The following TPH2 variants were observed in gnomAD, a reference collection of about 807,000 sequenced individuals.
TPH2 encodes tryptophan 5-hydroxylase 2.
In TPH2, 27 loss-of-function variants were observed where a neutral mutation model predicts 59.1. The observed-to-expected ratio is 0.46, with a 90% confidence interval of 0.34 to 0.63. The LOEUF (loss-of-function observed/expected upper bound fraction) is 0.63, where lower values mean the gene tolerates loss of function less well. Among genes scored for constraint, TPH2 ranks in the 30% least tolerant of loss-of-function variants. The pLI, the probability that TPH2 is intolerant of heterozygous loss-of-function variation, is 0.01. For missense variants in TPH2, 523 were observed against 588.3 expected (o/e 0.89, Z 1.15); for synonymous variants, 220 against 210.5 (o/e 1.05, Z -0.39).
intron 8 of TPH2, among the ~76,000 whole-genome samples, chr12:72,001,999 T>A (rs1481961956): frequency 6.6e-6 from 1 of 152,146 alleles, no homozygotes; most frequent in East Asian, 1.9e-4. Context: ...CACAGAAGGG[T>A]GACTATAGTC....
rs141482027 is a variant in TPH2 at position 72,031,638 on chromosome 12, C to T, written c.1416C>T (p.Ser472=). Residue 472 remains serine, a synonymous_variant, in exon 11 of 11, where the codon AGC becomes AGT. Transcript: ENST00000333850. The part of the protein sequence containing the change: ...SIENVVQDLR[S]DLNTVCDALN... ...AAAATGTGGTGCAGGACCTTCGCAGCGACTTGAATACAGTGTGTGATGCTT... is the reference window on the plus strand; with the variant it reads ...AAAATGTGGTGCAGGACCTTCGCAGTGACTTGAATACAGTGTGTGATGCTT... 152 of 1,613,578 alleles carry T rather than the reference C, an allele frequency of 9.4e-5. No individual in the cohort carries two copies. In the African/African-American group the frequency reaches 1.1e-3, roughly 12 times the overall value.
At chr12:72,030,768 T>C (rs1873697887) in intron 9 of TPH2, among the ~76,000 whole-genome samples, 1 of 152,142 alleles carries the variant, frequency 6.6e-6, no homozygotes, top group Non-Finnish European at 1.5e-5. Flanking sequence ...GTACCTGGCC[T>C]CAAAATATCT....
In TPH2 at chr12:72,032,004, G is replaced by GAGTC; in HGVS notation, c.*310_*313dup. ...AATTTGTAACAAATAGCCCTCTTAT[G>GAGTC]AGTCTCATTTATGCCCTTTTCTTTT... On this transcript the variant is annotated 3_prime_UTR_variant, in exon 11 of 11. Transcript: ENST00000333850. The GAGTC allele has an allele frequency of 2.6e-6, 1 of 382,284 alleles. No individual in the cohort carries two copies. The highest frequency in any genetic ancestry group is 2.4e-5 in the South Asian group (1 of 41,350). The allele number at this position is 382,284 out of a possible 1,614,324, so 23.7% of individuals were successfully genotyped here.
rs189331093 is a variant in TPH2, at chr12:72,031,138, C to T, written c.1165-120C>T. 6 of 1,300,510 alleles carry T rather than the reference C, an allele frequency of 4.6e-6. No individual in the cohort carries two copies. In the East Asian group the frequency reaches 9.3e-5, roughly 20 times the overall value. 80.6% of individuals were successfully genotyped at this position (1,300,510 alleles called of 1,614,324 possible). A position where few individuals can be genotyped will look rare whatever the true frequency, so the allele number is the denominator to read the frequency against. On this transcript the variant is annotated intron_variant, in intron 9 of 10. Transcript: ENST00000333850. ...GGAGAGTTCCATATTTCATGACAGACTAGTAACTGAGCAGCTCTGTAGGAT... is the reference window on the plus strand; with the variant it reads ...GGAGAGTTCCATATTTCATGACAGATTAGTAACTGAGCAGCTCTGTAGGAT...
chr12:71,947,310 T>C lies in TPH2; in HGVS notation c.541-2278T>C, dbSNP rs565728318. Among the ~76,000 whole-genome samples the C allele has an allele frequency of 7.9e-5, 12 of 152,130 alleles. No individual in the cohort carries two copies. The South Asian group carries it at 2.3e-3, about 29-fold the overall frequency. The stretch of plus-strand genomic sequence containing the variant: ...GCTCCCAGGTGATTCTAATATTCCA[T>C]CACTGTTGACCTATTTGGGGTAGCT... On this transcript the variant is annotated intron_variant, in intron 4 of 10. Transcript: ENST00000333850.
intron 8 of TPH2, among the ~76,000 whole-genome samples, chr12:71,995,933 A>T (rs1008703166): frequency 4.6e-5 from 7 of 152,244 alleles, no homozygotes; most frequent in Non-Finnish European, 1.0e-4. Context: ...TTCTGGTATA[A>T]GGATTGTGTC....
chr12:72,022,413 A>G lies in TPH2; in HGVS notation c.1083A>G (p.Thr361=). The G allele has an allele frequency of 6.2e-7, 1 of 1,613,920 alleles. No individual in the cohort carries two copies. The highest frequency in any genetic ancestry group is 1.1e-5 in the South Asian group (1 of 91,070). Residue 361 remains threonine (T), a synonymous_variant, in exon 9 of 11, where the codon ACA becomes ACG. Transcript: ENST00000333850. ...TTTTTCTTCAGTGCTATTTCTTCAC[A>G]ATCGAGTTTGGCCTTTGCAAGCAAG... is the stretch of plus-strand genomic sequence containing the variant. ...VQKLATCYFF[T]IEFGLCKQEG...
At chr12:71,961,618 T>A (rs559191124) in intron 5 of TPH2, 1 of 1,352,162 alleles carries the variant, frequency 7.4e-7, no homozygotes, top group South Asian at 1.1e-5. Flanking sequence ...TCAAGTTCTT[T>A]GAGCTCAAGC....
intron 9 of TPH2, among the ~76,000 whole-genome samples, chr12:72,023,739 A>G (rs1317607589): frequency 1.3e-5 from 2 of 150,918 alleles, no homozygotes; most frequent in Non-Finnish European, 3.0e-5. Flanking sequence ...TGAGGCAAGC[A>G]CTTGAACCCA....
intron 8 of TPH2, among the ~76,000 whole-genome samples, chr12:72,000,139 A>T (rs1039204636): frequency 6.6e-6 from 1 of 152,248 alleles, no homozygotes; most frequent in African/African-American, 2.4e-5. Flanking sequence ...ATCTAGTTCA[A>T]AGAAGAATTT....
In TPH2 at chr12:72,031,397, C is replaced by A; in HGVS notation, c.1298+6C>A. 6.2e-7 allele frequency: 1 copy of A among 1,613,514 alleles called. No homozygotes were observed. Among genetic ancestry groups the A allele is most frequent in the South Asian group, 1.1e-5 (1 of 91,066 alleles). ...GAAGCCAAAGAAAAGATGAGGTAAA[C>A]TTTTTTTTCCTCCTAGCTAGAGAAA... On this transcript the variant is annotated splice_donor_region_variant and intron_variant, in intron 10 of 10. Transcript: ENST00000333850.
chr12:71,977,330 T>C (rs1566135945), intron 6 of TPH2, among the ~76,000 whole-genome samples: 1 of 152,164 alleles, frequency 6.6e-6, no homozygotes, highest in African/African-American at 2.4e-5. Context: ...GTACTGGTAT[T>C]ACAGGTGTGA....
At chr12:72,022,163 C>T (rs1173315946) in intron 8 of TPH2, among the ~76,000 whole-genome samples, 8 of 152,198 alleles carry the variant, frequency 5.3e-5, no homozygotes, top group African/African-American at 1.9e-4. Context: ...CATAGGGCTT[C>T]TGAATTCAGG....
chr12:72,013,557 C>T (rs1482277171), intron 8 of TPH2, among the ~76,000 whole-genome samples: 1 of 152,168 alleles, frequency 6.6e-6, no homozygotes, highest in Non-Finnish European at 1.5e-5. Flanking sequence ...ATTTCTCCTT[C>T]AAAATTTGAC....
intron 5 of TPH2, among the ~76,000 whole-genome samples, chr12:71,954,577 G>T (rs1276050752): frequency 1.3e-5 from 2 of 152,172 alleles, no homozygotes; most frequent in Non-Finnish European, 2.9e-5. Context: ...GGGGCAGATA[G>T]CCTGTGGAGG....
intron 8 of TPH2, among the ~76,000 whole-genome samples, chr12:72,009,861 T>A (rs1289396773): frequency 6.6e-6 from 1 of 152,178 alleles, no homozygotes; most frequent in African/African-American, 2.4e-5. Context: ...GTTCAGTCAC[T>A]CTGGGGACAG....
intron 5 of TPH2, chr12:71,961,889 T>G: frequency 1.8e-6 from 2 of 1,101,114 alleles, no homozygotes; most frequent in Non-Finnish European, 1.1e-6. Flanking sequence ...TTACGTCTCT[T>G]GTAAAGGCAG....
chr12:71,977,209 G>A (rs566258944), intron 6 of TPH2, among the ~76,000 whole-genome samples: 4 of 152,096 alleles, frequency 2.6e-5, no homozygotes, highest in Admixed American at 2.0e-4. Context: ...GGTGCGTGCT[G>A]TCTATGCCAG....
chr12:71,942,723 A>T (rs1213494662), intron 2 of TPH2, among the ~76,000 whole-genome samples: 1 of 152,240 alleles, frequency 6.6e-6, no homozygotes, highest in Non-Finnish European at 1.5e-5. Flanking sequence ...TGATGCCTCT[A>T]TGATGATCAT....
Sources: allele counts gnomAD v4.1 joint callset (sites outside exome capture counted in the v4.1 genomes callset), GRCh38; gene constraint gnomAD v4.1.1; transcripts MANE v1.5; gene names NCBI Gene and HGNC (gene_info 2026-07-23, HGNC 2026-07-21).